The following MPRIP variants were observed in gnomAD, a reference collection of about 807,000 sequenced individuals.
MPRIP encodes the protein myosin phosphatase Rho interacting protein.
MPRIP carries 59 observed loss-of-function variants against 234.9 expected under a neutral mutation model. The observed-to-expected ratio is 0.25, with a 90% confidence interval of 0.20 to 0.31. The LOEUF is 0.31. Ranked by LOEUF, MPRIP falls within the 10% of genes least tolerant of loss-of-function variation. The probability of loss-of-function intolerance (pLI) is 1.00; values close to 1 mark genes in which losing one functional copy is unlikely to be tolerated. For synonymous variants in MPRIP, 1,144 were observed against 1,263.9 expected (o/e 0.91, Z 2.01); for missense variants, 2,436 against 3,071.0 (o/e 0.79, Z 4.89).
chr17:17,110,924 A>T (rs555931710), intron 3 of MPRIP, among the ~76,000 whole-genome samples: 1 of 152,110 alleles, frequency 6.6e-6, no homozygotes, highest in Admixed American at 6.6e-5. Context: ...AGAACAGTAG[A>T]TGCAAGCTGA....
At chr17:17,088,473 G>C (rs1234860890) in intron 3 of MPRIP, among the ~76,000 whole-genome samples, 1 of 152,230 alleles carries the variant, frequency 6.6e-6, no homozygotes, top group Admixed American at 6.5e-5. Context: ...GTCAAAAAAA[G>C]TCATTTCATG....
At chr17:17,074,241 C>T (rs2089272247) in intron 1 of MPRIP, among the ~76,000 whole-genome samples, 1 of 152,208 alleles carries the variant, frequency 6.6e-6, no homozygotes, top group Admixed American at 6.5e-5. Flanking sequence ...TGTTACCGCC[C>T]TCCGAAAGGC....
intron 9 of MPRIP, among the ~76,000 whole-genome samples, chr17:17,145,704 C>T (rs890111132): frequency 6.6e-6 from 1 of 152,232 alleles, no homozygotes; most frequent in Admixed American, 6.5e-5. Flanking sequence ...TGTGACTCTT[C>T]ATCTGGGCTT....
intron 3 of MPRIP, among the ~76,000 whole-genome samples, chr17:17,122,179 AT>A (rs2090402093): frequency 6.6e-6 from 1 of 152,112 alleles, no homozygotes; most frequent in African/African-American, 2.4e-5. Flanking sequence ...CAGTAATGAG[AT>A]TGCTGCATCA....
chr17:17,096,906 A>ACACC, intron 3 of MPRIP: 1 of 432,596 alleles, frequency 2.3e-6, no homozygotes, highest in Admixed American at 2.6e-5. Context: ...CTTGTCTTCT[A>ACACC]GAATCTCGTC....
rs896511962 is a variant in MPRIP at position 17,165,511 on chromosome 17, C to T, written c.3920C>T (p.Thr1307Ile). Residue 1307 changes from threonine to isoleucine, a missense_variant, in exon 16 of 24, where the codon ACA becomes ATA. By Grantham distance (89) the Thr-to-Ile change is moderately conservative. Transcript: ENST00000651222. ...GACAGGGAGGGCCATCAGCAGGGCACAGCCAAACTCGACCAAGGGGCACCT... is the reference window on the plus strand; with the variant it reads ...GACAGGGAGGGCCATCAGCAGGGCATAGCCAAACTCGACCAAGGGGCACCT... ...VLDREGHQQG[T>I]AKLDQGAPGV... 20 of 1,304,268 alleles carry T rather than the reference C, an allele frequency of 1.5e-5. No individual in the cohort carries two copies. The East Asian group carries it at 3.3e-4, about 22-fold the overall frequency. 80.8% of individuals were successfully genotyped at this position (1,304,268 alleles called of 1,614,324 possible).
At chr17:17,097,932 C>T (rs1398303295) in intron 3 of MPRIP, among the ~76,000 whole-genome samples, 1 of 152,148 alleles carries the variant, frequency 6.6e-6, no homozygotes, top group African/African-American at 2.4e-5. Flanking sequence ...GTAGCCTGAC[C>T]CATTGGAAGC....
chr17:17,190,438 T>C lies in MPRIP; in HGVS notation c.*5544T>C, dbSNP rs560649880. On this transcript the variant is annotated 3_prime_UTR_variant, in exon 24 of 24. Transcript: ENST00000651222. ...AGCAAGGGCATGTGTCCACAGCTGA[T>C]GGGCAGTTAAGAACCAGCCTGAGCT... 6.6e-6 allele frequency: 1 copy of C among 152,372 alleles called. No homozygotes were observed. Among genetic ancestry groups the C allele is most frequent in the East Asian group, 1.9e-4 (1 of 5,190 alleles). The allele number at this position is 152,372 out of a possible 1,614,324, so 9.4% of individuals were successfully genotyped here.
chr17:17,178,982 T>G (rs888448020), intron 22 of MPRIP, among the ~76,000 whole-genome samples: 1 of 151,574 alleles, frequency 6.6e-6, no homozygotes, highest in Admixed American at 6.6e-5. Flanking sequence ...GAATAGGCAC[T>G]GCATTCTAGT....
chr17:17,167,095 C>A lies in MPRIP; in HGVS notation c.5504C>A (p.Ser1835Tyr). The A allele has an allele frequency of 1.5e-6, 2 of 1,304,172 alleles. No individual in the cohort carries two copies. Among genetic ancestry groups the A allele is most frequent in the Non-Finnish European group, 2.0e-6 (2 of 988,952 alleles). 80.8% of individuals were successfully genotyped at this position (1,304,172 alleles called of 1,614,324 possible). The change falls in exon 16 of 24, where the codon TCT (serine) becomes TAT (tyrosine). Residue 1835 changes from serine to tyrosine, a missense_variant. Physicochemically the swap from Ser to Tyr is moderately radical, Grantham distance 144. Transcript: ENST00000651222. This position sits in a 1 kb window ranked among gnomAD's most constrained non-coding sequence, Gnocchi z 5.9. Reference protein sequence around the residue: ...NTCLGGLGQYSSLLVQDAIIQ... With the variant: ...NTCLGGLGQYYSLLVQDAIIQ... The stretch of plus-strand genomic sequence containing the variant: ...TGTTTGGGAGGCCTCGGTCAGTATT[C>A]TTCATTGTTGGTTCAGGATGCCATT...
chr17:17,058,585 A>C (rs4985715), intron 1 of MPRIP, among the ~76,000 whole-genome samples: 1 of 151,968 alleles, frequency 6.6e-6, no homozygotes, highest in African/African-American at 2.4e-5. Flanking sequence ...GGAGGGCTCC[A>C]GGTCCATTGA....
chr17:17,158,113 C>T (rs1206737073), intron 13 of MPRIP, among the ~76,000 whole-genome samples: 1 of 152,162 alleles, frequency 6.6e-6, no homozygotes, highest in Non-Finnish European at 1.5e-5. Context: ...CACAGTGAGC[C>T]CCTCACAGCC....
intron 3 of MPRIP, among the ~76,000 whole-genome samples, chr17:17,117,468 C>T (rs1006049930): frequency 6.6e-6 from 1 of 152,204 alleles, no homozygotes; most frequent in African/African-American, 2.4e-5. Flanking sequence ...AGTGTGTGTC[C>T]TTTTGTGACT....
chr17:17,116,170 G>A (rs1024784870), intron 3 of MPRIP, among the ~76,000 whole-genome samples: 3 of 152,222 alleles, frequency 2.0e-5, no homozygotes, highest in African/African-American at 7.2e-5. Flanking sequence ...GGTGTATAGA[G>A]TAAATACAAG....
intron 3 of MPRIP, among the ~76,000 whole-genome samples, chr17:17,116,674 G>T (rs765583199): frequency 6.6e-6 from 1 of 152,230 alleles, no homozygotes; most frequent in Non-Finnish European, 1.5e-5. Flanking sequence ...CGTCCTGCCA[G>T]TCCCCAGTCT....
At chr17:17,051,931 CAG>C (rs1268327708) in intron 1 of MPRIP, among the ~76,000 whole-genome samples, 1 of 152,240 alleles carries the variant, frequency 6.6e-6, no homozygotes, top group Non-Finnish European at 1.5e-5. Flanking sequence ...GCCCTGGTGT[CAG>C]AGCTGCTTTG....
rs1285243438 is a variant in MPRIP at position 17,049,968 on chromosome 17, C to T, written c.123+6997C>T. On this transcript the variant is annotated intron_variant, in intron 1 of 23. Transcript: ENST00000651222. Reference sequence around the variant, plus strand: ...CTTTGGGAGGCCGAGACGGGCGGATCACGAGGTCAGGAGATCAAGACCATC... The same window carrying T: ...CTTTGGGAGGCCGAGACGGGCGGATTACGAGGTCAGGAGATCAAGACCATC... Among the ~76,000 whole-genome samples the T allele has an allele frequency of 5.9e-5, 9 of 152,280 alleles. 1 individual carries two copies. The Middle Eastern group carries it at 0.017, about 288-fold the overall frequency.
At chr17:17,057,961 A>C (rs2088755900) in intron 1 of MPRIP, 1 of 445,618 alleles carries the variant, frequency 2.2e-6, no homozygotes. Flanking sequence ...CCTGCCACCC[A>C]ACTTAAGAAA....
chr17:17,174,043 C>G lies in MPRIP; in HGVS notation c.6718C>G (p.Arg2240Gly). The G allele has an allele frequency of 6.2e-7, 1 of 1,613,404 alleles. No homozygotes were observed. Among genetic ancestry groups the G allele is most frequent in the East Asian group, 2.2e-5 (1 of 44,888 alleles). Residue 2240 changes from arginine to glycine, a missense_variant, in exon 19 of 24, where the codon CGT becomes GGT. Arg to Gly is a moderately radical substitution (Grantham distance 125, BLOSUM62 -2). Coordinates refer to ENST00000651222, the MANE Select transcript of MPRIP (RefSeq NM_001364716.4). Reference protein sequence around the residue: ...AERQALRQCQRENQELNAHNQ... With the variant: ...AERQALRQCQGENQELNAHNQ... ...GCGGCAGGCCCTGCGGCAGTGCCAGCGTGAGAACCAGGAGCTCAATGCCCA... is the reference window on the plus strand; with the variant it reads ...GCGGCAGGCCCTGCGGCAGTGCCAGGGTGAGAACCAGGAGCTCAATGCCCA...
Sources: allele counts gnomAD v4.1 joint callset (sites outside exome capture counted in the v4.1 genomes callset), GRCh38; gene constraint gnomAD v4.1.1; non-coding constraint Gnocchi (gnomAD v3.1); transcripts MANE v1.5; gene names NCBI Gene and HGNC (gene_info 2026-07-23, HGNC 2026-07-21).